SAMD12: variants seen among roughly 807,000 people sequenced by gnomAD.
SAMD12 encodes the protein sterile alpha motif domain containing 12.
A neutral mutation model predicts 15.0 loss-of-function variants in SAMD12; 9 were observed. The ratio of observed to expected loss-of-function variants is 0.60; its 90% CI spans 0.36 to 1.05. The LOEUF (loss-of-function observed/expected upper bound fraction) is 1.05, where lower values mean the gene tolerates loss of function less well. Ranked by LOEUF, SAMD12 falls within the 50% of genes least tolerant of loss-of-function variation. The pLI, the probability that SAMD12 is intolerant of heterozygous loss-of-function variation, is 0.01. For synonymous variants in SAMD12, 86 were observed against 90.1 expected (o/e 0.96, Z 0.25); for missense variants, 230 against 234.2 (o/e 0.98, Z 0.12).
At chr8:118,265,172 T>G (rs1174107590) in intron 4 of SAMD12, among the ~76,000 whole-genome samples, 2 of 152,166 alleles carry the variant, frequency 1.3e-5, no homozygotes, top group African/African-American at 2.4e-5. Context: ...CAGCTCCAGG[T>G]GGCTAATTGG....
rs574215829 is a variant in SAMD12 at position 118,274,677 on chromosome 8, T to G, written c.434-76945A>C. ...AAATATACATTAAAATGCTCCTATTTGTAAACTTTGTATATAAACTGCATA... is the reference window on the plus strand; with the variant it reads ...AAATATACATTAAAATGCTCCTATTGGTAAACTTTGTATATAAACTGCATA... On this transcript the variant is annotated intron_variant, in intron 4 of 4. Coordinates refer to the SAMD12 transcript ENST00000409003. Among the ~76,000 whole-genome samples, 10 of 152,306 alleles carry G rather than the reference T, an allele frequency of 6.6e-5. No homozygotes were observed. The South Asian group carries it at 2.1e-3, about 32-fold the overall frequency.
chr8:118,438,323 C>T lies in SAMD12; in HGVS notation c.322+1509G>A, dbSNP rs549881322. ...CTTGAGCTACAATTGGGTGTTTTCC[C>T]TATATATTTAGACATATCAATGTGG... is the stretch of plus-strand genomic sequence containing the variant. On this transcript the variant is annotated intron_variant, in intron 3 of 3. Coordinates refer to ENST00000314727, the MANE Select transcript of SAMD12 (RefSeq NM_207506.3). 6.9e-4 allele frequency among the ~76,000 whole-genome samples: 105 copies of T among 152,192 alleles called. No homozygotes were observed. In the Middle Eastern group the frequency reaches 0.024, roughly 35 times the overall value.
At chr8:118,397,329 G>T (rs1394821189) in intron 3 of SAMD12, among the ~76,000 whole-genome samples, 1 of 152,138 alleles carries the variant, frequency 6.6e-6, no homozygotes, top group African/African-American at 2.4e-5. Context: ...CTCCCAAGGG[G>T]CGACAAGAGA....
chr8:118,526,123 CACTT>C (rs1259035171), intron 2 of SAMD12, among the ~76,000 whole-genome samples: 4 of 152,154 alleles, frequency 2.6e-5, no homozygotes, highest in African/African-American at 9.7e-5. Context: ...TAATAAATAA[CACTT>C]ACTGGAAGCT....
intron 2 of SAMD12, among the ~76,000 whole-genome samples, chr8:118,449,588 C>G (rs111917711): frequency 0.024 from 3,620 of 151,474 alleles, 124 homozygotes; most frequent in African/African-American, 0.083. Context: ...GAGGCAGGCA[C>G]ATCACGAGTT....
intron 4 of SAMD12, among the ~76,000 whole-genome samples, chr8:118,308,504 C>T (rs1418511138): frequency 6.6e-6 from 1 of 152,288 alleles, no homozygotes; most frequent in East Asian, 1.9e-4. Flanking sequence ...TTGACCCCAG[C>T]AGAACCGGTA....
intron 3 of SAMD12, among the ~76,000 whole-genome samples, chr8:118,417,963 AGATGTATGACCT>A (rs1254997919): frequency 6.6e-6 from 1 of 152,218 alleles, no homozygotes; most frequent in Non-Finnish European, 1.5e-5. Flanking sequence ...GCCCCATTTC[AGATGTATGACCT>A]GATCGAATAT....
intron 4 of SAMD12, among the ~76,000 whole-genome samples, chr8:118,291,546 A>C (rs1230056407): frequency 6.6e-6 from 1 of 152,112 alleles, no homozygotes; most frequent in Non-Finnish European, 1.5e-5. Context: ...ACTGAGCCCA[A>C]ATCAGGCGAG....
chr8:118,349,762 C>G (rs369564723), intron 4 of SAMD12, among the ~76,000 whole-genome samples: 3 of 152,208 alleles, frequency 2.0e-5, no homozygotes, highest in African/African-American at 7.2e-5. Flanking sequence ...CATCAAAGCT[C>G]GTTTCCTCCC....
the SAMD12 span, among the ~76,000 whole-genome samples, chr8:118,156,778 C>T: frequency 6.6e-6 from 1 of 152,060 alleles, no homozygotes; most frequent in Non-Finnish European, 1.5e-5. Flanking sequence ...ATACAAAATG[C>T]TTTGCTAAAG....
At chr8:118,246,846 T>C (rs1037613371) in intron 4 of SAMD12, among the ~76,000 whole-genome samples, 3 of 152,052 alleles carry the variant, frequency 2.0e-5, no homozygotes, top group Admixed American at 6.6e-5. Flanking sequence ...GGGAACAACA[T>C]GTGTAGAGGT....
intron 2 of SAMD12, among the ~76,000 whole-genome samples, chr8:118,555,345 T>C (rs577986530): frequency 6.6e-6 from 1 of 152,344 alleles, no homozygotes; most frequent in East Asian, 1.9e-4. Context: ...GTTTCACAGT[T>C]TTCTCATGGT....
chr8:118,210,536 T>C (rs551659318), intron 4 of SAMD12, among the ~76,000 whole-genome samples: 1 of 152,348 alleles, frequency 6.6e-6, no homozygotes, highest in African/African-American at 2.4e-5. Context: ...CCTGCTGTCC[T>C]CCAGAGCAGT....
chr8:118,258,176 C>G (rs1401967084), intron 4 of SAMD12, among the ~76,000 whole-genome samples: 3 of 152,248 alleles, frequency 2.0e-5, no homozygotes, highest in Middle Eastern at 3.4e-3. Flanking sequence ...ATGTACTGGG[C>G]CATTCCCAAT....
chr8:118,336,454 T>C (rs1441510212), intron 4 of SAMD12, among the ~76,000 whole-genome samples: 2 of 152,192 alleles, frequency 1.3e-5, no homozygotes, highest in Non-Finnish European at 2.9e-5. Flanking sequence ...GCTTCAGGAA[T>C]TCCACCCATA....
At chr8:118,610,385 C>A (rs1828079705) in intron 1 of SAMD12, among the ~76,000 whole-genome samples, 2 of 152,090 alleles carry the variant, frequency 1.3e-5, no homozygotes, top group African/African-American at 4.8e-5. Flanking sequence ...CTTTGACAGA[C>A]CGGAAAGCAA....
At chr8:118,579,181 A>T (rs1161099857) in intron 2 of SAMD12, among the ~76,000 whole-genome samples, 3 of 151,000 alleles carry the variant, frequency 2.0e-5, no homozygotes, top group Admixed American at 6.6e-5. Context: ...TTTAAATCAG[A>T]CAAATATCAA....
intron 2 of SAMD12, among the ~76,000 whole-genome samples, chr8:118,493,312 T>A (rs1368765871): frequency 1.3e-5 from 2 of 152,182 alleles, no homozygotes; most frequent in African/African-American, 4.8e-5. Flanking sequence ...TACTGCATAC[T>A]GCCTTATTCA....
intron 4 of SAMD12, among the ~76,000 whole-genome samples, chr8:118,234,794 T>C (rs1812392488): frequency 6.6e-6 from 1 of 152,070 alleles, no homozygotes. Context: ...TTTTGTTGTT[T>C]TTTAGAGATA....
Sources: allele counts gnomAD v4.1 joint callset (sites outside exome capture counted in the v4.1 genomes callset), GRCh38; gene constraint gnomAD v4.1.1; transcripts MANE v1.5; gene names NCBI Gene and HGNC (gene_info 2026-07-23, HGNC 2026-07-21).